The following KCNH7 variants were observed in gnomAD, a reference collection of about 807,000 sequenced individuals.
The protein encoded by KCNH7 is voltage-gated inwardly rectifying potassium channel KCNH7.
Under a neutral mutation model 120.8 loss-of-function variants are expected in KCNH7, and 49 were observed. The ratio of observed to expected loss-of-function variants is 0.41; its 90% CI spans 0.32 to 0.51. The LOEUF is 0.51. Among genes scored for constraint, KCNH7 ranks in the 20% least tolerant of loss-of-function variants. The pLI, the probability that KCNH7 is intolerant of heterozygous loss-of-function variation, is 0.38. For missense variants in KCNH7, 1,097 were observed against 1,446.6 expected (o/e 0.76, Z 3.92); for synonymous variants, 547 against 516.1 (o/e 1.06, Z -0.81).
intron 2 of KCNH7, among the ~76,000 whole-genome samples, chr2:162,687,271 T>C (rs1158310529): frequency 6.6e-6 from 1 of 152,144 alleles, no homozygotes; most frequent in Admixed American, 6.6e-5. Context: ...CTGCTGGACC[T>C]GGCTTACAGT....
chr2:162,389,126 C>T (rs1218990635), intron 12 of KCNH7, among the ~76,000 whole-genome samples: 1 of 151,910 alleles, frequency 6.6e-6, no homozygotes, highest in African/African-American at 2.4e-5. Flanking sequence ...ACTCTGGTGG[C>T]TTTTTTTGTT....
intron 6 of KCNH7, among the ~76,000 whole-genome samples, chr2:162,461,387 T>C (rs1162042161): frequency 6.6e-6 from 1 of 152,224 alleles, no homozygotes; most frequent in Non-Finnish European, 1.5e-5. Context: ...CTATGTAAGA[T>C]AACAAATGTA....
At chr2:162,513,366 C>A (rs1406451555) in intron 4 of KCNH7, among the ~76,000 whole-genome samples, 1 of 137,514 alleles carries the variant, frequency 7.3e-6, no homozygotes, top group East Asian at 2.2e-4. Context: ...TCTTTCCTTC[C>A]TTCCTTCCTT....
At chr2:162,783,412 G>A (rs1683577644) in intron 2 of KCNH7, among the ~76,000 whole-genome samples, 2 of 152,162 alleles carry the variant, frequency 1.3e-5, no homozygotes, top group African/African-American at 4.8e-5. Context: ...GGAAAATATT[G>A]GCAAGCCTGG....
intron 2 of KCNH7, chr2:162,797,266 A>G (rs999753518): frequency 2.0e-5 from 3 of 152,062 alleles, no homozygotes; most frequent in Admixed American, 2.0e-4. Context: ...CCATTTGTTT[A>G]ATATCTCTGG....
chr2:162,609,121 A>G (rs574478478), intron 2 of KCNH7, among the ~76,000 whole-genome samples: 16 of 152,308 alleles, frequency 1.1e-4, no homozygotes, highest in African/African-American at 3.6e-4. Context: ...TTCAAAACAG[A>G]CATTTCTGCC....
intron 2 of KCNH7, among the ~76,000 whole-genome samples, chr2:162,584,530 G>A (rs1005528706): frequency 2.0e-5 from 3 of 152,082 alleles, no homozygotes; most frequent in Non-Finnish European, 4.4e-5. Context: ...AAAGAATCTT[G>A]TTACAAAACA....
intron 6 of KCNH7, among the ~76,000 whole-genome samples, chr2:162,459,758 G>A (rs1024856119): frequency 1.3e-5 from 2 of 152,100 alleles, no homozygotes; most frequent in Admixed American, 6.6e-5. Flanking sequence ...TCACCCATTG[G>A]TTTGGTGGCC....
chr2:162,514,970 A>C (rs567854772), intron 4 of KCNH7, among the ~76,000 whole-genome samples: 2 of 151,916 alleles, frequency 1.3e-5, no homozygotes, highest in Admixed American at 1.3e-4. Context: ...CCTGTTAATC[A>C]GTTACATGAA....
intron 3 of KCNH7, among the ~76,000 whole-genome samples, chr2:162,520,063 A>G (rs933483398): frequency 4.0e-5 from 6 of 150,284 alleles, no homozygotes; most frequent in Middle Eastern, 3.5e-3. Context: ...CCTGTATTGT[A>G]TATCTAATAG....
intron 2 of KCNH7, among the ~76,000 whole-genome samples, chr2:162,732,571 G>T (rs755763537): frequency 4.6e-5 from 7 of 152,092 alleles, no homozygotes; most frequent in Non-Finnish European, 1.0e-4. Context: ...AAGGAAGATA[G>T]AATTGAGAAT....
intron 2 of KCNH7, among the ~76,000 whole-genome samples, chr2:162,600,122 T>A (rs1018882301): frequency 5.9e-5 from 9 of 152,134 alleles, no homozygotes; most frequent in Non-Finnish European, 1.3e-4. Flanking sequence ...CTCTCTAGCT[T>A]GTAATCAATC....
At chr2:162,609,751 C>T (rs1682897844) in intron 2 of KCNH7, among the ~76,000 whole-genome samples, 1 of 152,040 alleles carries the variant, frequency 6.6e-6, no homozygotes, top group South Asian at 2.1e-4. Context: ...TGGAGAGGCT[C>T]CCAAAAGAGA....
chr2:162,799,272 T>C (rs1684258704), intron 2 of KCNH7, among the ~76,000 whole-genome samples: 1 of 152,032 alleles, frequency 6.6e-6, no homozygotes, highest in Non-Finnish European at 1.5e-5. Flanking sequence ...TGATGGGGTC[T>C]GAATGGTCCC....
intron 2 of KCNH7, among the ~76,000 whole-genome samples, chr2:162,716,018 AT>A (rs1454158815): frequency 1.3e-5 from 2 of 151,066 alleles, no homozygotes; most frequent in Non-Finnish European, 1.5e-5. Context: ...AATCTTAGTA[AT>A]TTTTAAAACA....
intron 2 of KCNH7, among the ~76,000 whole-genome samples, chr2:162,813,240 G>C (rs3912910): frequency 6.6e-6 from 1 of 151,882 alleles, no homozygotes; most frequent in South Asian, 2.1e-4. Flanking sequence ...GCCCAGGAAT[G>C]GTCAACCCAC....
chr2:162,421,966 T>A (rs1050770623), intron 9 of KCNH7, among the ~76,000 whole-genome samples: 1 of 152,166 alleles, frequency 6.6e-6, no homozygotes, highest in Non-Finnish European at 1.5e-5. Context: ...AGATTTTGAA[T>A]GCTGATACCT....
intron 9 of KCNH7, among the ~76,000 whole-genome samples, chr2:162,416,997 C>G (rs761935865): frequency 3.3e-5 from 5 of 152,092 alleles, no homozygotes; most frequent in African/African-American, 9.7e-5. Context: ...ATTTCTTGAG[C>G]TATTGCTGCT....
chr2:162,557,996 A>G (rs1484390990), intron 2 of KCNH7, among the ~76,000 whole-genome samples: 2 of 152,186 alleles, frequency 1.3e-5, no homozygotes, highest in Non-Finnish European at 2.9e-5. Context: ...AAGTGTGGTA[A>G]TGTAATACAT....
Sources: allele counts gnomAD v4.1 joint callset (sites outside exome capture counted in the v4.1 genomes callset), GRCh38; gene constraint gnomAD v4.1.1; transcripts MANE v1.5; gene names NCBI Gene and HGNC (gene_info 2026-07-23, HGNC 2026-07-21).